CHSY1: variants seen among roughly 807,000 people sequenced by gnomAD.
CHSY1 encodes the protein N-acetylgalactosaminyl-proteoglycan 3-beta-glucuronosyltransferase 1.
In CHSY1, 13 loss-of-function variants were observed where a neutral mutation model predicts 59.8. That is an observed-to-expected ratio of 0.22 (90% CI 0.14 to 0.35). The LOEUF is 0.35. Ranked by LOEUF, CHSY1 falls within the 10% of genes least tolerant of loss-of-function variation. The pLI, the probability that CHSY1 is intolerant of heterozygous loss-of-function variation, is 1.00. For synonymous variants in CHSY1, 459 were observed against 401.2 expected (o/e 1.14, Z -1.72); for missense variants, 947 against 1,030.6 (o/e 0.92, Z 1.11).
At position 101,197,975 on chromosome 15, in the gene CHSY1, T is replaced by C. The variant is rs542852756; in HGVS notation, c.817-18995A>G. 3.9e-5 allele frequency among the ~76,000 whole-genome samples: 6 copies of C among 152,260 alleles called. No homozygotes were observed. In the East Asian group the frequency reaches 1.2e-3, roughly 29 times the overall value. ...CCTGCTGGGGACTCACTTTGGGATG[T>C]AAGGATTTGTTTCCGTCACGTCGCA... On this transcript the variant is annotated intron_variant, in intron 2 of 2. Transcript: ENST00000254190.
At position 101,249,510 on chromosome 15, in the gene CHSY1, A is replaced by ATTTTTTTTT. The variant is rs34753057; in HGVS notation, c.320+1618_320+1626dup. Among the ~76,000 whole-genome samples the ATTTTTTTTT allele has an allele frequency of 4.2e-4, 48 of 113,028 alleles. 1 individual carries two copies. The East Asian group carries it at 4.4e-3, about 10-fold the overall frequency. The allele number at this position is 113,028 out of a possible 152,430, so 74.2% of individuals were successfully genotyped here. A position where few individuals can be genotyped will look rare whatever the true frequency, so the allele number is the denominator to read the frequency against. On this transcript the variant is annotated intron_variant, in intron 1 of 2. Transcript: ENST00000254190. ...CTCTATCTATCGATCGATAGATAGA[A>ATTTTTTTTT]TTTTTTTTTTTTTTTTTTTTTGAGA...
chr15:101,179,318 C>A lies in CHSY1; in HGVS notation c.817-338G>T, dbSNP rs546118733. ...AGATAAAGCCACCCCCGTCCCACTA[C>A]GCCTGTGAAAGGGACCCACAGAGTC... On this transcript the variant is annotated intron_variant, in intron 2 of 2. Transcript: ENST00000254190. 2.0e-4 allele frequency among the ~76,000 whole-genome samples: 30 copies of A among 152,336 alleles called. 1 individual carries two copies. The South Asian group carries it at 3.3e-3, about 17-fold the overall frequency.
At position 101,251,381 on chromosome 15, in the gene CHSY1, G is replaced by A. The variant is rs759159359; in HGVS notation, c.76C>T (p.Leu26Phe). ...LVLGFVLASR[L>F]VLPRASELKR... ...AGCTCGGAAGCCCGGGGCAGGACGAGCCGCGAGGCCAGCACGAAGCCCAGG... is the reference window on the plus strand; with the variant it reads ...AGCTCGGAAGCCCGGGGCAGGACGAACCGCGAGGCCAGCACGAAGCCCAGG... Residue 26 changes from leucine to phenylalanine, a missense_variant, in exon 1 of 3, where the codon CTC becomes TTC. Physicochemically the swap from Leu to Phe is conservative, Grantham distance 22. Coordinates refer to ENST00000254190, the MANE Select transcript of CHSY1 (RefSeq NM_014918.5). 1.3e-5 allele frequency: 15 copies of A among 1,166,354 alleles called. No homozygotes were observed. The highest frequency in any genetic ancestry group is 1.5e-5 in the Non-Finnish European group (14 of 926,420). The allele number at this position is 1,166,354 out of a possible 1,614,324, so 72.3% of individuals were successfully genotyped here. A position where few individuals can be genotyped will look rare whatever the true frequency, so the allele number is the denominator to read the frequency against.
At chr15:101,220,635 C>G (rs1261459435) in intron 2 of CHSY1, among the ~76,000 whole-genome samples, 1 of 152,222 alleles carries the variant, frequency 6.6e-6, no homozygotes, top group Non-Finnish European at 1.5e-5. Context: ...AGCAGAGGGA[C>G]CCTCTGGAAA....
intron 2 of CHSY1, among the ~76,000 whole-genome samples, chr15:101,182,467 A>G (rs1172713704): frequency 1.3e-5 from 2 of 152,214 alleles, no homozygotes; most frequent in African/African-American, 4.8e-5. Context: ...TTATACAGTT[A>G]TGAATGAATG....
chr15:101,217,406 T>C (rs536880346), intron 2 of CHSY1, among the ~76,000 whole-genome samples: 1 of 152,346 alleles, frequency 6.6e-6, no homozygotes, highest in Non-Finnish European at 1.5e-5. Flanking sequence ...TGTTCTGTCA[T>C]CTGAGGGGGC....
intron 2 of CHSY1, among the ~76,000 whole-genome samples, chr15:101,219,940 G>A (rs2038772158): frequency 6.6e-6 from 1 of 152,102 alleles, no homozygotes; most frequent in South Asian, 2.1e-4. Flanking sequence ...CTAATTTTGT[G>A]AGGGGGTTTC....
chr15:101,217,444 A>T (rs2038745821), intron 2 of CHSY1, among the ~76,000 whole-genome samples: 1 of 152,210 alleles, frequency 6.6e-6, no homozygotes, highest in African/African-American at 2.4e-5. Context: ...AATAGCAACA[A>T]GCATACCTAG....
In CHSY1 at chr15:101,176,376, GTA is replaced by G. The variant is rs987983999; in HGVS notation, c.*1010_*1011del. On this transcript the variant is annotated 3_prime_UTR_variant, in exon 3 of 3. Coordinates refer to ENST00000254190, the MANE Select transcript of CHSY1 (RefSeq NM_014918.5). ...AACGTTTTGATTAGGGTGTATGTGT[GTA>G]TGTTTCAGTCTGTGTACATCAGATT... 25 of 398,420 alleles carry G rather than the reference GTA, an allele frequency of 6.3e-5. No individual in the cohort carries two copies. Among genetic ancestry groups the G allele is most frequent in the African/African-American group, 4.7e-4 (23 of 48,618 alleles). The allele number at this position is 398,420 out of a possible 1,614,324, so 24.7% of individuals were successfully genotyped here. A position where few individuals can be genotyped will look rare whatever the true frequency, so the allele number is the denominator to read the frequency against.
intron 2 of CHSY1, among the ~76,000 whole-genome samples, chr15:101,209,879 C>T (rs2038666724): frequency 6.6e-6 from 1 of 152,156 alleles, no homozygotes; most frequent in South Asian, 2.1e-4. Flanking sequence ...TACTGAATGA[C>T]AACTGAAATG....
At chr15:101,200,365 GC>G (rs1310384904) in intron 2 of CHSY1, among the ~76,000 whole-genome samples, 1 of 152,204 alleles carries the variant, frequency 6.6e-6, no homozygotes, top group African/African-American at 2.4e-5. Context: ...GAAGACACGG[GC>G]TGGAGCCTGG....
chr15:101,226,329 A>T (rs1032606289), intron 2 of CHSY1, among the ~76,000 whole-genome samples: 6 of 152,182 alleles, frequency 3.9e-5, no homozygotes, highest in African/African-American at 7.2e-5. Flanking sequence ...GGTAATAGGT[A>T]ACATGCATCA....
intron 2 of CHSY1, among the ~76,000 whole-genome samples, chr15:101,185,818 T>C (rs916032656): frequency 1.3e-5 from 2 of 151,578 alleles, no homozygotes; most frequent in Non-Finnish European, 2.9e-5. Flanking sequence ...AGAGGCATGC[T>C]GTGGGTGAGA....
Position 101,176,698 on chromosome 15 carries a change from A to C in CHSY1, c.*690T>G, listed in dbSNP as rs1345085516. 3.5e-6 allele frequency: 1 copy of C among 281,940 alleles called. No individual in the cohort carries two copies. Among genetic ancestry groups the C allele is most frequent in the African/African-American group, 2.2e-5 (1 of 46,226 alleles). 17.5% of individuals were successfully genotyped at this position (281,940 alleles called of 1,614,324 possible). On this transcript the variant is annotated 3_prime_UTR_variant, in exon 3 of 3. Transcript: ENST00000254190. ...GTAATCCCAGCTACTCGGGAGGCAA[A>C]GGCAGGGGAATTGCTTGAACCAGGG...
intron 2 of CHSY1, among the ~76,000 whole-genome samples, chr15:101,180,876 T>C (rs1464254818): frequency 6.6e-6 from 1 of 152,204 alleles, no homozygotes; most frequent in Non-Finnish European, 1.5e-5. Context: ...AAAGCATCCT[T>C]ACTGTTCACT....
At chr15:101,188,054 AT>A (rs1262130615) in intron 2 of CHSY1, 1 of 985,378 alleles carries the variant, frequency 1.0e-6, no homozygotes, top group East Asian at 1.1e-4. Context: ...CAACATTCTC[AT>A]TAAGTCCTCG....
chr15:101,238,286 T>A (rs1339732689), intron 1 of CHSY1, among the ~76,000 whole-genome samples: 2 of 152,308 alleles, frequency 1.3e-5, no homozygotes, highest in African/African-American at 4.8e-5. Flanking sequence ...AAAACTGAGA[T>A]TCTAAATATT....
rs745476961 is a variant in CHSY1 at position 101,178,473 on chromosome 15, T to C, written c.1324A>G (p.Met442Val). ...TCCAGGATGTACTCAGCCCCATACA[T>C]GGGGTTCACCCGGCGGTAGCCGTAC... ...IQYGYRRVNP[M>V]YGAEYILDLL... Residue 442 changes from methionine to valine, a missense_variant, in exon 3 of 3, where the codon ATG (methionine) becomes GTG (valine). Physicochemically the swap from Met to Val is conservative, Grantham distance 21. Coordinates refer to ENST00000254190, the MANE Select transcript of CHSY1 (RefSeq NM_014918.5). 1.2e-6 allele frequency: 2 copies of C among 1,614,124 alleles called. No individual in the cohort carries two copies. Among genetic ancestry groups the C allele is most frequent in the African/African-American group, 1.3e-5 (1 of 74,952 alleles).
chr15:101,249,095 G>A (rs1217167062), intron 1 of CHSY1, among the ~76,000 whole-genome samples: 1 of 151,662 alleles, frequency 6.6e-6, no homozygotes, highest in Non-Finnish European at 1.5e-5. Context: ...GAGCCACCGC[G>A]CCCGGCCTGC....
Sources: gnomAD v4.1 joint callset for allele counts (sites outside exome capture counted in the v4.1 genomes callset) on GRCh38, gnomAD v4.1.1 for gene constraint, MANE v1.5 for transcripts, NCBI Gene and HGNC (gene_info 2026-07-23, HGNC 2026-07-21) for gene names.